The following GALNT16 variants were observed in gnomAD, a reference collection of about 807,000 sequenced individuals.
The protein encoded by GALNT16 is polypeptide N-acetylgalactosaminyltransferase 16.
A neutral mutation model predicts 76.1 loss-of-function variants in GALNT16; 40 were observed. That is an observed-to-expected ratio of 0.53 (90% CI 0.41 to 0.68). The LOEUF is 0.68. Ranked by LOEUF, GALNT16 falls within the 30% of genes least tolerant of loss-of-function variation. The pLI, the probability that GALNT16 is intolerant of heterozygous loss-of-function variation, is 0.00. For synonymous variants in GALNT16, 276 were observed against 285.2 expected, an observed-to-expected ratio of 0.97 and a Z score of 0.32; for missense variants, 621 against 731.9, an observed-to-expected ratio of 0.85 and a Z score of 1.75.
chr14:69,322,638 TC>T (rs2045205255), intron 2 of GALNT16, among the ~76,000 whole-genome samples: 1 of 152,156 alleles, frequency 6.6e-6, no homozygotes, highest in African/African-American at 2.4e-5. Flanking sequence ...ACACCTGTAA[TC>T]CCAGCACTTT....
chr14:69,333,294 G>T lies in GALNT16; in HGVS notation c.863+125G>T. ...GCACTAAGTGCTGACTCTGTTCTGG[G>T]CCTTCGGACCCTGTATGCAGGGACA... On this transcript the variant is annotated intron_variant, in intron 8 of 14. Transcript: ENST00000448469. The surrounding 1 kb of genome is among the most constrained non-coding windows in gnomAD (Gnocchi z 4.2). 1 of 724,508 alleles carries T rather than the reference G, an allele frequency of 1.4e-6. No homozygotes were observed. Among genetic ancestry groups the T allele is most frequent in the East Asian group, 2.7e-5 (1 of 37,552 alleles). The allele number at this position is 724,508 out of a possible 1,614,324, so 44.9% of individuals were successfully genotyped here.
the GALNT16 span, among the ~76,000 whole-genome samples, chr14:69,378,805 T>TAATA: frequency 1.3e-5 from 2 of 152,296 alleles, no homozygotes; most frequent in East Asian, 3.9e-4. Flanking sequence ...AAAAATAAAT[T>TAATA]AATAAATAAA....
At chr14:69,313,780 TTC>T (rs1555399448) in intron 1 of GALNT16, among the ~76,000 whole-genome samples, 1 of 151,932 alleles carries the variant, frequency 6.6e-6, no homozygotes. Context: ...GGTAGTGGAT[TTC>T]CATAGTAACC....
rs781191279 is a variant in GALNT16, at chr14:69,338,627, C to A, written c.968-24C>A. On this transcript the variant is annotated intron_variant, in intron 9 of 14. Coordinates refer to ENST00000448469, the MANE Select transcript of GALNT16 (RefSeq NM_001168368.2). Reference sequence around the variant, plus strand: ...ACTTGCCAAGGAACCCCTTCCTCCTCCTGACGGCTACTATTTCCTGCAGAG... The same window carrying A: ...ACTTGCCAAGGAACCCCTTCCTCCTACTGACGGCTACTATTTCCTGCAGAG... 4 of 1,609,126 alleles carry A rather than the reference C, an allele frequency of 2.5e-6. No homozygotes were observed. The Admixed American group carries it at 6.7e-5, about 27-fold the overall frequency.
intron 12 of GALNT16, among the ~76,000 whole-genome samples, chr14:69,342,927 A>G (rs2045513771): frequency 6.6e-6 from 1 of 152,160 alleles, no homozygotes; most frequent in South Asian, 2.1e-4. Flanking sequence ...TGTTCCTTGT[A>G]GCCGTTATTA....
chr14:69,265,439 A>T (rs2044330751), intron 1 of GALNT16, among the ~76,000 whole-genome samples: 1 of 152,164 alleles, frequency 6.6e-6, no homozygotes, highest in Admixed American at 6.5e-5. Flanking sequence ...GGCAGAGGAA[A>T]CCCTTGGCTC....
intron 9 of GALNT16, among the ~76,000 whole-genome samples, chr14:69,334,314 A>T (rs1304054164): frequency 4.6e-5 from 7 of 152,222 alleles, no homozygotes; most frequent in Admixed American, 4.6e-4. Flanking sequence ...TGTTGGGGCC[A>T]CAGAGTACCA....
intron 1 of GALNT16, among the ~76,000 whole-genome samples, chr14:69,311,549 C>CA (rs1474712111): frequency 3.3e-5 from 5 of 152,036 alleles, no homozygotes; most frequent in African/African-American, 4.8e-5. Flanking sequence ...TAATCTGATT[C>CA]AAAAAAATCT....
chr14:69,347,917 A>T lies in GALNT16; in HGVS notation c.1454A>T (p.Lys485Met). The T allele has an allele frequency of 6.2e-7, 1 of 1,613,840 alleles. No homozygotes were observed. Among genetic ancestry groups the T allele is most frequent in the Non-Finnish European group, 8.5e-7 (1 of 1,179,810 alleles). The change falls in exon 14 of 15, where the codon AAG (lysine) becomes ATG (methionine). Residue 485 changes from lysine to methionine, a missense_variant. Lys to Met is a moderately conservative substitution (Grantham distance 95, BLOSUM62 -1). Transcript: ENST00000448469. ...GACCACCTCATCCAGCAGCAGGGGA[A>T]GTGCCTGGCTGCCACCTCCACCTTA... ...FSDHLIQQQG[K>M]CLAATSTLMS... is the part of the protein sequence containing the mutation.
chr14:69,324,032 C>T (rs1252105204), intron 2 of GALNT16, among the ~76,000 whole-genome samples: 5 of 152,066 alleles, frequency 3.3e-5, no homozygotes. Flanking sequence ...GCCAGTAGGC[C>T]AGAAAATGTG....
intron 1 of GALNT16, among the ~76,000 whole-genome samples, chr14:69,270,660 C>T (rs544430371): frequency 9.8e-5 from 15 of 152,326 alleles, no homozygotes; most frequent in African/African-American, 3.4e-4. Flanking sequence ...GCTGGATCAG[C>T]GGTCCGTTCC....
chr14:69,313,037 C>T (rs1312512387), intron 1 of GALNT16, among the ~76,000 whole-genome samples: 1 of 152,216 alleles, frequency 6.6e-6, no homozygotes, highest in African/African-American at 2.4e-5. Flanking sequence ...CTCTAGGCCT[C>T]AGTTTCCACC....
At chr14:69,283,307 G>C (rs2044568589) in intron 1 of GALNT16, among the ~76,000 whole-genome samples, 3 of 152,206 alleles carry the variant, frequency 2.0e-5, no homozygotes, top group Admixed American at 2.0e-4. Context: ...AGCTGCATCA[G>C]GTCCTGGACA....
intron 2 of GALNT16, among the ~76,000 whole-genome samples, chr14:69,323,710 C>T (rs1272664355): frequency 1.3e-5 from 2 of 152,142 alleles, no homozygotes; most frequent in Admixed American, 1.3e-4. Context: ...CACAGCCTCT[C>T]AAGATTTCCC....
intron 7 of GALNT16, among the ~76,000 whole-genome samples, chr14:69,332,233 TACTAGA>T (rs2045360009): frequency 6.6e-6 from 1 of 152,246 alleles, no homozygotes; most frequent in Admixed American, 6.5e-5. Flanking sequence ...CTGATGTGAT[TACTAGA>T]ACATTTTGAA....
At chr14:69,351,798 A>G (rs945790904) in intron 14 of GALNT16, 10 of 454,138 alleles carry the variant, frequency 2.2e-5, no homozygotes, top group Non-Finnish European at 3.5e-5. Flanking sequence ...GTGTAGTCCT[A>G]GCTACTCAGA....
chr14:69,267,923 A>G (rs2140100367), intron 1 of GALNT16, among the ~76,000 whole-genome samples: 1 of 152,314 alleles, frequency 6.6e-6, no homozygotes, highest in African/African-American at 2.4e-5. Context: ...AAGTCCTGAT[A>G]GTGCTTGAAT....
At chr14:69,260,579 C>G in intron 1 of GALNT16, 112 bp downstream of exon 1, 1 of 719,886 alleles carries the variant, frequency 1.4e-6, no homozygotes, top group Non-Finnish European at 1.9e-6. Context: ...CCCGCTGCGC[C>G]GGGCCGGCTT....
At position 69,353,241 on chromosome 14, in the gene GALNT16, G is replaced by A. The variant is rs1313612437; in HGVS notation, c.*1073G>A. The A allele has an allele frequency of 6.6e-6, 1 of 152,204 alleles. No homozygotes were observed. Among genetic ancestry groups the A allele is most frequent in the Non-Finnish European group, 1.5e-5 (1 of 68,040 alleles). The allele number at this position is 152,204 out of a possible 1,614,324, so 9.4% of individuals were successfully genotyped here. A position where few individuals can be genotyped will look rare whatever the true frequency, so the allele number is the denominator to read the frequency against. On this transcript the variant is annotated 3_prime_UTR_variant, in exon 15 of 15. Transcript: ENST00000448469. ...ACCAAGAACAGCCCCTAAGTCATTAGGGTTCAACCTCACCCTTATTCCCCT... is the reference window on the plus strand; with the variant it reads ...ACCAAGAACAGCCCCTAAGTCATTAAGGTTCAACCTCACCCTTATTCCCCT...
Sources: allele counts gnomAD v4.1 joint callset (sites outside exome capture counted in the v4.1 genomes callset), GRCh38; gene constraint gnomAD v4.1.1; non-coding constraint Gnocchi (gnomAD v3.1); transcripts MANE v1.5; gene names NCBI Gene and HGNC (gene_info 2026-07-23, HGNC 2026-07-21).